Variants in SCFD1 observed in about 807,000 individuals in gnomAD.
The protein encoded by SCFD1 is sec1 family domain-containing protein 1.
SCFD1 carries 37 observed loss-of-function variants against 103.2 expected under a neutral mutation model. The ratio of observed to expected loss-of-function variants is 0.36; its 90% confidence interval spans 0.28 to 0.47. The LOEUF (loss-of-function observed/expected upper bound fraction) is 0.47, where lower values mean the gene tolerates loss of function less well. Among genes scored for constraint, SCFD1 ranks in the 20% least tolerant of loss-of-function variants. The pLI is 1.00. For synonymous variants in SCFD1, 264 were observed against 245.0 expected, an observed-to-expected ratio of 1.08 and a Z score of -0.73; for missense variants, 639 against 761.2, an observed-to-expected ratio of 0.84 and a Z score of 1.89.
intron 3 of SCFD1, chr14:30,630,923 A>T (rs1884045380): frequency 5.5e-6 from 1 of 181,352 alleles, no homozygotes; most frequent in Non-Finnish European, 1.1e-5. Context: ...TCATAAGTTG[A>T]AATTTTGTAA....
At chr14:30,709,713 C>T (rs1475064404) in intron 19 of SCFD1, among the ~76,000 whole-genome samples, 1 of 152,168 alleles carries the variant, frequency 6.6e-6, no homozygotes, top group Non-Finnish European at 1.5e-5. Flanking sequence ...ACATTAGAGA[C>T]AAATGTGCTA....
At chr14:30,637,993 C>T (rs1297844156) in intron 4 of SCFD1, 132 bp from the exon 5 acceptor site, 6 of 1,208,130 alleles carry the variant, frequency 5.0e-6, no homozygotes, top group Non-Finnish European at 5.4e-6. Flanking sequence ...GGTTTTTTCT[C>T]TTGGGATACT....
chr14:30,645,732 G>A (rs1885753026), intron 7 of SCFD1, among the ~76,000 whole-genome samples: 2 of 152,180 alleles, frequency 1.3e-5, no homozygotes, highest in South Asian at 4.1e-4. Flanking sequence ...TTTGGGCAGA[G>A]AGTATGGAAT....
Position 30,735,686 on chromosome 14 carries a change from T to A in SCFD1, c.*77T>A. On this transcript the variant is annotated 3_prime_UTR_variant, in exon 25 of 25. Coordinates refer to ENST00000458591, the MANE Select transcript of SCFD1 (RefSeq NM_016106.4). ...AAGAAGAAAAGTTAGAAGAGCAATATGTTTCCTTCTCTGTAACAGTGTCCT... is the reference window on the plus strand; with the variant it reads ...AAGAAGAAAAGTTAGAAGAGCAATAAGTTTCCTTCTCTGTAACAGTGTCCT... 1 of 1,067,984 alleles carries A rather than the reference T, an allele frequency of 9.4e-7. No individual in the cohort carries two copies. The highest frequency in any genetic ancestry group is 1.4e-6 in the Non-Finnish European group (1 of 711,490). 66.2% of individuals were successfully genotyped at this position (1,067,984 alleles called of 1,614,324 possible). A position where few individuals can be genotyped will look rare whatever the true frequency, so the allele number is the denominator to read the frequency against.
intron 16 of SCFD1, among the ~76,000 whole-genome samples, chr14:30,700,949 C>T (rs1055771055): frequency 2.6e-5 from 4 of 152,158 alleles, no homozygotes; most frequent in Non-Finnish European, 5.9e-5. Context: ...GTAGAAAATA[C>T]GTTGTCTATT....
chr14:30,655,304 A>G (rs759521974), intron 10 of SCFD1, among the ~76,000 whole-genome samples: 2 of 152,218 alleles, frequency 1.3e-5, no homozygotes. Context: ...TATGTTTGGA[A>G]AATGGCAGGG....
At chr14:30,697,552 A>G (rs1214512728) in intron 15 of SCFD1, among the ~76,000 whole-genome samples, 1 of 152,216 alleles carries the variant, frequency 6.6e-6, no homozygotes, top group Non-Finnish European at 1.5e-5. Flanking sequence ...TTAGGTAACC[A>G]CAGTGAACGT....
chr14:30,651,447 T>A (rs1886382648), intron 9 of SCFD1, among the ~76,000 whole-genome samples: 3 of 152,204 alleles, frequency 2.0e-5, no homozygotes, highest in Admixed American at 6.5e-5. Context: ...TTCAATTGTT[T>A]GGTTAACTGT....
At chr14:30,730,094 T>C (rs955437936) in intron 23 of SCFD1, among the ~76,000 whole-genome samples, 1 of 152,200 alleles carries the variant, frequency 6.6e-6, no homozygotes, top group African/African-American at 2.4e-5. Context: ...CACCTATGAG[T>C]GAGAACATGC....
At chr14:30,730,951 C>T (rs1178216745) in intron 23 of SCFD1, among the ~76,000 whole-genome samples, 1 of 152,016 alleles carries the variant, frequency 6.6e-6, no homozygotes, top group African/African-American at 2.4e-5. Context: ...ATGGTATTGC[C>T]TAGGTTTTCT....
chr14:30,642,695 GAATAAAACTATGGAATATGAT>G (rs1885405105), intron 6 of SCFD1, among the ~76,000 whole-genome samples: 1 of 152,100 alleles, frequency 6.6e-6, no homozygotes, highest in Non-Finnish European at 1.5e-5. Flanking sequence ...TAGTGTTTAT[GAATAAAACTATGGAATATGAT>G]ATTTATTTTC....
chr14:30,698,415 CTG>C (rs1890845442), intron 15 of SCFD1, among the ~76,000 whole-genome samples: 1 of 152,190 alleles, frequency 6.6e-6, no homozygotes, highest in Admixed American at 6.5e-5. Flanking sequence ...GTTATTAACA[CTG>C]TAGCAGTTTT....
chr14:30,662,695 T>C (rs1354854729), intron 10 of SCFD1, among the ~76,000 whole-genome samples: 1 of 152,258 alleles, frequency 6.6e-6, no homozygotes, highest in African/African-American at 2.4e-5. Context: ...TTTATTTTAC[T>C]TTCCTTTTCT....
chr14:30,731,410 G>A (rs1261796488), intron 23 of SCFD1, among the ~76,000 whole-genome samples: 2 of 152,152 alleles, frequency 1.3e-5, no homozygotes, highest in Non-Finnish European at 2.9e-5. Flanking sequence ...AGCTTGATGG[G>A]GATGGCATTG....
At chr14:30,641,589 T>G (rs946640174) in intron 6 of SCFD1, among the ~76,000 whole-genome samples, 1 of 152,224 alleles carries the variant, frequency 6.6e-6, no homozygotes, top group Non-Finnish European at 1.5e-5. Context: ...TTGGGTATGT[T>G]TCCTTGAATT....
Position 30,734,876 on chromosome 14 carries a change from T to C in SCFD1, c.1905+18T>C. The C allele has an allele frequency of 6.4e-7, 1 of 1,573,126 alleles. No homozygotes were observed. Among genetic ancestry groups the C allele is most frequent in the Non-Finnish European group, 8.7e-7 (1 of 1,143,206 alleles). The stretch of plus-strand genomic sequence containing the variant: ...TAAAACAGGTAAAGTATACATTTGT[T>C]GTTTGTTTCTGTTAACATACCCCTA... On this transcript the variant is annotated intron_variant, in intron 24 of 24. Transcript: ENST00000458591.
At chr14:30,668,290 A>C (rs1888203835) in intron 10 of SCFD1, among the ~76,000 whole-genome samples, 1 of 152,212 alleles carries the variant, frequency 6.6e-6, no homozygotes, top group African/African-American at 2.4e-5. Flanking sequence ...CAAAAACAAG[A>C]AATGGGGAAT....
intron 1 of SCFD1, among the ~76,000 whole-genome samples, chr14:30,624,295 C>T (rs1883160783): frequency 6.6e-6 from 1 of 152,188 alleles, no homozygotes; most frequent in Non-Finnish European, 1.5e-5. Flanking sequence ...ATCTTCCCAG[C>T]TTCTCAACAT....
In SCFD1 at chr14:30,691,907, A is replaced by C. The variant is rs553068782; in HGVS notation, c.1243-2866A>C. ...ACTGATTTATATAGTTCCAGAAATT[A>C]GAATCTGCTATGGCATTTAGCATAC... On this transcript the variant is annotated intron_variant, in intron 14 of 24. Transcript: ENST00000458591. Among the ~76,000 whole-genome samples, 408 of 151,920 alleles carry C rather than the reference A, an allele frequency of 2.7e-3. 1 individual carries two copies. Among genetic ancestry groups the C allele is most frequent in the Non-Finnish European group, 4.4e-3 (301 of 67,986 alleles).
Sources: gnomAD v4.1 joint callset for allele counts (sites outside exome capture counted in the v4.1 genomes callset) on GRCh38, gnomAD v4.1.1 for gene constraint, MANE v1.5 for transcripts, NCBI Gene and HGNC (gene_info 2026-07-23, HGNC 2026-07-21) for gene names.